Variants in MEI1 observed in about 807,000 individuals in gnomAD.
MEI1 encodes meiosis inhibitor protein 1.
A neutral mutation model predicts 146.2 loss-of-function variants in MEI1; 103 were observed. That is an observed-to-expected ratio of 0.70 (90% CI 0.60 to 0.83). The LOEUF is 0.83. MEI1 is among the 40% of genes least tolerant of loss of function. The pLI is 0.00. For synonymous variants in MEI1, 652 were observed against 628.2 expected, an observed-to-expected ratio of 1.04 and a Z score of -0.57; for missense variants, 1,529 against 1,533.0, an observed-to-expected ratio of 1.00 and a Z score of 0.04.
chr22:41,797,905 A>G (rs981309720), intron 30 of MEI1, among the ~76,000 whole-genome samples: 1 of 152,098 alleles, frequency 6.6e-6, no homozygotes, highest in African/African-American at 2.4e-5. Flanking sequence ...GGTGTCTGTT[A>G]TTATTCCTAC....
chr22:41,762,928 T>A (rs2074593915), intron 18 of MEI1, among the ~76,000 whole-genome samples: 1 of 152,152 alleles, frequency 6.6e-6, no homozygotes, highest in Admixed American at 6.6e-5. Context: ...ATAGCTCACC[T>A]CCCAAGTGTG....
chr22:41,706,843 C>T (rs1484900756), intron 3 of MEI1, among the ~76,000 whole-genome samples: 1 of 151,926 alleles, frequency 6.6e-6, no homozygotes, highest in Non-Finnish European at 1.5e-5. Context: ...TAGTTAGGAT[C>T]CAGTCAGGAA....
At chr22:41,733,771 A>G (rs1170867136) in intron 11 of MEI1, among the ~76,000 whole-genome samples, 1 of 152,216 alleles carries the variant, frequency 6.6e-6, no homozygotes, top group East Asian at 1.9e-4. Flanking sequence ...AAACAGTATA[A>G]TAACTATTTA....
chr22:41,787,513 C>T lies in MEI1; in HGVS notation c.3345+2730C>T, dbSNP rs114054919. 3.5e-3 allele frequency among the ~76,000 whole-genome samples: 529 copies of T among 152,288 alleles called. 3 individuals are homozygous for T. Among genetic ancestry groups the T allele is most frequent in the African/African-American group, 0.012 (502 of 41,544 alleles). On this transcript the variant is annotated intron_variant, in intron 26 of 30. Transcript: ENST00000401548. ...GGACACTTAGCCAGCTGGCCAGGATCTTAAGAGTTTAAGTTCATGGGAGCA... is the reference window on the plus strand; with the variant it reads ...GGACACTTAGCCAGCTGGCCAGGATTTTAAGAGTTTAAGTTCATGGGAGCA...
At position 41,778,779 on chromosome 22, in the gene MEI1, C is replaced by G. The variant is rs777208934; in HGVS notation, c.2782C>G (p.Leu928Val). ...GCTCAGGAATGTGTCAGAGCAAGAA[C>G]TGGACAGCGTGGCCATGAAGCTCCT... ...MQLRNVSEQE[L>V]DSVAMKLLHQ... is the part of the protein sequence containing the mutation. The change falls in exon 22 of 31, where the codon CTG (leucine) becomes GTG (valine). Residue 928 changes from leucine (L) to valine (V), a missense_variant. Coordinates refer to ENST00000401548, the MANE Select transcript of MEI1 (RefSeq NM_152513.4). 1.2e-6 allele frequency: 2 copies of G among 1,607,994 alleles called. No individual in the cohort carries two copies. The highest frequency in any genetic ancestry group is 3.4e-5 in the Admixed American group (2 of 59,180).
chr22:41,732,247 A>T lies in MEI1; in HGVS notation c.1099A>T (p.Ile367Phe). The T allele has an allele frequency of 6.2e-7, 1 of 1,608,024 alleles. No homozygotes were observed. The highest frequency in any genetic ancestry group is 8.5e-7 in the Non-Finnish European group (1 of 1,177,494). ...FFSKCHTVYGIEAVVRSLQGS... is the reference protein window; with the variant it reads ...FFSKCHTVYGFEAVVRSLQGS... ...TCTGTCATGTCATCCTGTGGTAGGG[A>T]TCGAGGCAGTGGTGAGGAGCCTGCA... Residue 367 changes from isoleucine to phenylalanine, a missense_variant and splice_region_variant, in exon 10 of 31, where the codon ATC becomes TTC. This residue lies in a region of MEI1 where 1,212 missense variants were observed against 1,178.9 expected (regional missense o/e 1.03). Transcript: ENST00000401548.
chr22:41,737,704 G>A (rs2147674927), intron 11 of MEI1, among the ~76,000 whole-genome samples: 1 of 152,118 alleles, frequency 6.6e-6, no homozygotes, highest in East Asian at 1.9e-4. Flanking sequence ...ACTGAACCTG[G>A]CCTATTCATT....
At chr22:41,735,785 A>G (rs1237517443) in intron 11 of MEI1, among the ~76,000 whole-genome samples, 1 of 152,150 alleles carries the variant, frequency 6.6e-6, no homozygotes, top group Non-Finnish European at 1.5e-5. Flanking sequence ...GCAGCTCTTT[A>G]ACACCTATGA....
chr22:41,721,345 A>T (rs1357664547), intron 6 of MEI1, among the ~76,000 whole-genome samples: 1 of 148,736 alleles, frequency 6.7e-6, no homozygotes, highest in African/African-American at 2.5e-5. Context: ...CCCAGGTTCA[A>T]GCAATTCTCT....
chr22:41,712,513 G>C (rs1206709379), intron 3 of MEI1, among the ~76,000 whole-genome samples: 2 of 151,906 alleles, frequency 1.3e-5, no homozygotes, highest in Non-Finnish European at 2.9e-5. Flanking sequence ...GGGATTACAG[G>C]CGTGAGCCAC....
chr22:41,745,065 G>A lies in MEI1; in HGVS notation c.1538+1G>A, dbSNP rs199977360. ...TGGAGGGATTTAGAAGTGCCTGCAGGTGAGGGGCCCTCTGAGGTATGAAGT... is the reference window on the plus strand; with the variant it reads ...TGGAGGGATTTAGAAGTGCCTGCAGATGAGGGGCCCTCTGAGGTATGAAGT... On this transcript the variant is annotated splice_donor_variant, in intron 13 of 30. Transcript: ENST00000401548. LOFTEE classifies it high-confidence loss of function. The A allele has an allele frequency of 5.1e-5, 79 of 1,540,820 alleles. No individual in the cohort carries two copies. Among genetic ancestry groups the A allele is most frequent in the Non-Finnish European group, 6.5e-5 (74 of 1,141,850 alleles).
At position 41,716,127 on chromosome 22, in the gene MEI1, C is replaced by T. The variant is rs745331879; in HGVS notation, c.510C>T (p.Asp170=). The change falls in exon 5 of 31, where the codon GAC becomes GAT. Residue 170 remains aspartate (D), a synonymous_variant. Transcript: ENST00000401548. The part of the protein sequence containing the change: ...KLVDAIPALA[D]ELVMEHGNLM... ...TGGATGCCATCCCTGCTCTGGCAGA[C>T]GAGCTTGTAATGGAGCATGGTGAGT... 2.5e-6 allele frequency: 4 copies of T among 1,608,848 alleles called. No homozygotes were observed. Among genetic ancestry groups the T allele is most frequent in the Admixed American group, 1.7e-5 (1 of 59,426 alleles).
intron 24 of MEI1, among the ~76,000 whole-genome samples, chr22:41,782,719 T>G (rs554786381): frequency 3.3e-5 from 5 of 152,240 alleles, no homozygotes; most frequent in Non-Finnish European, 7.3e-5. Flanking sequence ...TGTGGTTGGT[T>G]TAGGACAGAA....
At chr22:41,714,742 G>A (rs1004468596) in intron 4 of MEI1, among the ~76,000 whole-genome samples, 7 of 151,708 alleles carry the variant, frequency 4.6e-5, no homozygotes, top group African/African-American at 7.3e-5. Flanking sequence ...TTAGCTGGGC[G>A]TGGTGGTGCA....
chr22:41,723,974 C>G lies in MEI1; in HGVS notation c.765C>G (p.Leu255=). ...GLLRQLLKYD[L]FVSMIMNQDG... is the part of the protein sequence containing the mutation. ...TGAGGCAGCTGTTGAAGTATGATCT[C>G]TTTGTGTCCATGATCATGAACCAGG... Residue 255 remains leucine (L), a synonymous_variant, in exon 7 of 31, where the codon CTC becomes CTG. Transcript: ENST00000401548. 1 of 1,609,714 alleles carries G rather than the reference C, an allele frequency of 6.2e-7. No homozygotes were observed. Among genetic ancestry groups the G allele is most frequent in the Non-Finnish European group, 8.5e-7 (1 of 1,178,000 alleles).
In MEI1 at chr22:41,770,999, G is replaced by A. The variant is rs761721499; in HGVS notation, c.2544+38G>A. 1.8e-5 allele frequency: 28 copies of A among 1,595,714 alleles called. No individual in the cohort carries two copies. The East Asian group carries it at 2.0e-4, about 11-fold the overall frequency. The stretch of plus-strand genomic sequence containing the variant: ...TCATTCATTTCTACATTCAGAAATC[G>A]TGGGCCTTCTCTCTCTGAGAGCCGG... On this transcript the variant is annotated intron_variant, in intron 20 of 30. Coordinates refer to ENST00000401548, the MANE Select transcript of MEI1 (RefSeq NM_152513.4).
intron 18 of MEI1, among the ~76,000 whole-genome samples, chr22:41,760,801 G>C (rs927474140): frequency 6.6e-6 from 1 of 152,198 alleles, no homozygotes; most frequent in Non-Finnish European, 1.5e-5. Flanking sequence ...GAACAGAGCA[G>C]GGAGTTTCAC....
intron 6 of MEI1, among the ~76,000 whole-genome samples, chr22:41,720,988 C>T (rs1481958284): frequency 2.0e-5 from 3 of 151,312 alleles, no homozygotes; most frequent in Non-Finnish European, 4.4e-5. Context: ...ACCATGTTAG[C>T]CAGGATGGTC....
chr22:41,733,954 C>T (rs949830471), intron 11 of MEI1, among the ~76,000 whole-genome samples: 13 of 151,442 alleles, frequency 8.6e-5, no homozygotes, highest in Non-Finnish European at 1.9e-4. Context: ...TGTAGAAACC[C>T]TGTCTTTACT....
Sources: allele counts gnomAD v4.1 joint callset (sites outside exome capture counted in the v4.1 genomes callset), GRCh38; gene constraint gnomAD v4.1.1; regional missense constraint gnomAD v4.1.1; transcripts MANE v1.5; gene names NCBI Gene and HGNC (gene_info 2026-07-23, HGNC 2026-07-21).